The following YPEL1 variants were observed in gnomAD, a reference collection of about 807,000 sequenced individuals.
The protein encoded by YPEL1 is protein yippee-like 1.
A neutral mutation model predicts 17.3 loss-of-function variants in YPEL1; 7 were observed. The ratio of observed to expected loss-of-function variants is 0.40; its 90% confidence interval spans 0.23 to 0.76. The LOEUF (loss-of-function observed/expected upper bound fraction) is 0.76. Among genes scored for constraint, YPEL1 ranks in the 30% least tolerant of loss-of-function variants. YPEL1 has a pLI of 0.35. For missense variants in YPEL1, 91 were observed against 155.5 expected (o/e 0.59, Z 2.21); for synonymous variants, 59 against 59.6 (o/e 0.99, Z 0.05).
intron 1 of YPEL1, among the ~76,000 whole-genome samples, chr22:21,719,223 G>A (rs367798979): frequency 4.6e-5 from 7 of 152,212 alleles, no homozygotes. Context: ...TGTCCCACAC[G>A]GTGCACGAGG....
intron 1 of YPEL1, among the ~76,000 whole-genome samples, chr22:21,728,678 C>T (rs896193196): frequency 9.2e-5 from 14 of 152,174 alleles, no homozygotes; most frequent in Non-Finnish European, 5.9e-5. Context: ...TGAAGGCACA[C>T]TCATACTGTC....
chr22:21,731,649 C>T (rs901382814), intron 1 of YPEL1, among the ~76,000 whole-genome samples: 10 of 151,508 alleles, frequency 6.6e-5, no homozygotes, highest in Admixed American at 3.9e-4. Flanking sequence ...GGTGGCACCA[C>T]GAGGGAGGGA....
chr22:21,704,582 G>A (rs879550412), intron 2 of YPEL1, among the ~76,000 whole-genome samples: 2 of 151,536 alleles, frequency 1.3e-5, no homozygotes, highest in African/African-American at 2.4e-5. Context: ...ACTTAAACCC[G>A]GGAGGTGGAG....
In YPEL1 at chr22:21,700,980, A is replaced by G. The variant is rs1239619696; in HGVS notation, c.*149T>C. ...CAGATCCGAGGGACACCTTACCCAC[A>G]GAGATGGCCGAGAGTGTCAAGAGCT... On this transcript the variant is annotated 3_prime_UTR_variant, in exon 5 of 5. Coordinates refer to ENST00000339468, the MANE Select transcript of YPEL1 (RefSeq NM_013313.5). 3 of 617,808 alleles carry G rather than the reference A, an allele frequency of 4.9e-6. No homozygotes were observed. Among genetic ancestry groups the G allele is most frequent in the Non-Finnish European group, 8.5e-6 (3 of 351,678 alleles). 38.3% of individuals were successfully genotyped at this position (617,808 alleles called of 1,614,324 possible). A position where few individuals can be genotyped will look rare whatever the true frequency, so the allele number is the denominator to read the frequency against.
rs60040471 is a variant in YPEL1 at position 21,720,813 on chromosome 22, G to GTTTT, written c.-164-9909_-164-9906dup. 1.0e-3 allele frequency among the ~76,000 whole-genome samples: 124 copies of GTTTT among 120,430 alleles called. 2 individuals are homozygous for GTTTT. Among genetic ancestry groups the GTTTT allele is most frequent in the African/African-American group, 3.6e-3 (115 of 31,552 alleles). 79.0% of individuals were successfully genotyped at this position (120,430 alleles called of 152,430 possible). On this transcript the variant is annotated intron_variant, in intron 1 of 4. Coordinates refer to ENST00000339468, the MANE Select transcript of YPEL1 (RefSeq NM_013313.5). ...TGAGCCACCATGCCTGGCCGATTTT[G>GTTTT]TTTTTTTTTTTTTTTTTGAGAGTCT...
At chr22:21,708,660 ATTT>A (rs150796353) in intron 2 of YPEL1, among the ~76,000 whole-genome samples, 14,208 of 107,202 alleles carry the variant, frequency 0.13, 1,078 homozygotes, top group Non-Finnish European at 0.18. Context: ...TCTTGATACA[ATTT>A]TTTTTTTTTT....
At chr22:21,714,722 C>T (rs986327712) in intron 1 of YPEL1, among the ~76,000 whole-genome samples, 8 of 152,168 alleles carry the variant, frequency 5.3e-5, no homozygotes, top group Non-Finnish European at 1.0e-4. Context: ...CTGCCAGCAG[C>T]GAACATGAGT....
At chr22:21,728,228 C>T (rs577934679) in intron 1 of YPEL1, among the ~76,000 whole-genome samples, 3 of 152,154 alleles carry the variant, frequency 2.0e-5, no homozygotes, top group African/African-American at 4.8e-5. Flanking sequence ...CGCTCCCACT[C>T]GGCCACCCCT....
At chr22:21,712,296 T>C (rs543863932) in intron 1 of YPEL1, among the ~76,000 whole-genome samples, 13 of 151,242 alleles carry the variant, frequency 8.6e-5, no homozygotes, top group African/African-American at 2.9e-4. Flanking sequence ...AGAATACATA[T>C]ATTCTATATT....
chr22:21,730,591 C>T (rs2068377378), intron 1 of YPEL1, among the ~76,000 whole-genome samples: 3 of 152,232 alleles, frequency 2.0e-5, no homozygotes, highest in Non-Finnish European at 4.4e-5. Flanking sequence ...GAAAAATTTA[C>T]AACAAAGGGC....
chr22:21,713,556 C>CA (rs2068191848), intron 1 of YPEL1, among the ~76,000 whole-genome samples: 1 of 152,154 alleles, frequency 6.6e-6, no homozygotes, highest in African/African-American at 2.4e-5. Context: ...TAGTGGGACT[C>CA]AGAGACAGAA....
At chr22:21,714,683 A>C (rs966410287) in intron 1 of YPEL1, among the ~76,000 whole-genome samples, 1 of 151,922 alleles carries the variant, frequency 6.6e-6, no homozygotes, top group African/African-American at 2.4e-5. Flanking sequence ...ACACAGCAGC[A>C]CCTCCCAAGT....
chr22:21,733,034 T>C (rs113362557), intron 1 of YPEL1, among the ~76,000 whole-genome samples: 17,849 of 152,202 alleles, frequency 0.12, 1,368 homozygotes, highest in Middle Eastern at 0.19. Context: ...TAGGATTGCT[T>C]GAGCCCAAGA....
intron 1 of YPEL1, among the ~76,000 whole-genome samples, chr22:21,713,053 C>T (rs1304285424): frequency 2.0e-5 from 3 of 152,136 alleles, no homozygotes; most frequent in African/African-American, 4.8e-5. Flanking sequence ...ACAAGGACCA[C>T]GTTGAGACAC....
At position 21,712,993 on chromosome 22, in the gene YPEL1, C is replaced by T. The variant is rs973286424; in HGVS notation, c.-164-2085G>A. On this transcript the variant is annotated intron_variant, in intron 1 of 4. Transcript: ENST00000339468. ...TCTCCGAAGAAGATATACAGATGGC[C>T]CACAAGCACGTGAAAAGGTGCTCCA... Among the ~76,000 whole-genome samples the T allele has an allele frequency of 2.6e-5, 4 of 151,936 alleles. No homozygotes were observed. In the South Asian group the frequency reaches 8.3e-4, roughly 32 times the overall value.
rs1392198841 is a variant in YPEL1, at chr22:21,703,054, TC to T, written c.270+315del. On this transcript the variant is annotated intron_variant, in intron 4 of 4. Coordinates refer to ENST00000339468, the MANE Select transcript of YPEL1 (RefSeq NM_013313.5). The surrounding 1 kb of genome is among the most constrained non-coding windows in gnomAD (Gnocchi z 6.1). ...GCAGCCCCCTGCAGCCTCCTCGGCC[TC>T]CTCCCACACCAGGCTCTGCTCAGCG... Among the ~76,000 whole-genome samples, 4 of 152,160 alleles carry T rather than the reference TC, an allele frequency of 2.6e-5. No homozygotes were observed. Among genetic ancestry groups the T allele is most frequent in the African/African-American group, 9.7e-5 (4 of 41,448 alleles).
chr22:21,704,407 A>C (rs1161934648), intron 2 of YPEL1, among the ~76,000 whole-genome samples: 1 of 152,208 alleles, frequency 6.6e-6, no homozygotes, highest in African/African-American at 2.4e-5. Context: ...CTGTAATCCC[A>C]GCGCTTTGGA....
chr22:21,720,697 C>T (rs902180813), intron 1 of YPEL1, among the ~76,000 whole-genome samples: 1 of 151,714 alleles, frequency 6.6e-6, no homozygotes, highest in African/African-American at 2.4e-5. Context: ...ACCATGTTGG[C>T]CAGGCTGGTC....
intron 1 of YPEL1, among the ~76,000 whole-genome samples, chr22:21,712,274 G>A (rs576919953): frequency 2.7e-4 from 40 of 149,552 alleles, no homozygotes; most frequent in Non-Finnish European, 4.6e-4. Flanking sequence ...ACCTGATAAG[G>A]TGTTAATATC....
Sources: allele counts gnomAD v4.1 joint callset (sites outside exome capture counted in the v4.1 genomes callset), GRCh38; gene constraint gnomAD v4.1.1; non-coding constraint Gnocchi (gnomAD v3.1); transcripts MANE v1.5; gene names NCBI Gene and HGNC (gene_info 2026-07-23, HGNC 2026-07-21).